The following MBP variants were observed in gnomAD, a reference collection of about 807,000 sequenced individuals.
The protein encoded by MBP is Golli-MBP.
MBP carries 16 observed loss-of-function variants against 35.8 expected under a neutral mutation model. The observed-to-expected ratio is 0.45, with a 90% CI of 0.30 to 0.68. MBP has a LOEUF of 0.68. Among genes scored for constraint, MBP ranks in the 30% least tolerant of loss-of-function variants. The pLI is 0.08. For synonymous variants in MBP, 143 were observed against 159.6 expected (o/e 0.90, Z 0.78); for missense variants, 380 against 404.7 (o/e 0.94, Z 0.52).
chr18:77,093,022 T>G (rs1975601807), intron 2 of MBP: 1 of 152,226 alleles, frequency 6.6e-6, no homozygotes, highest in Admixed American at 6.5e-5. Flanking sequence ...GTTGGCTGCT[T>G]GCAAACTGGG....
chr18:77,087,087 AAAC>A (rs1035391118), intron 2 of MBP, among the ~76,000 whole-genome samples: 21 of 152,294 alleles, frequency 1.4e-4, no homozygotes, highest in Middle Eastern at 3.4e-3. Flanking sequence ...TAGAAAAAAA[AAAC>A]AACAACAACG....
At position 77,102,168 on chromosome 18, in the gene MBP, G is replaced by C. The variant is rs1359047467; in HGVS notation, c.51+3043C>G. Among the ~76,000 whole-genome samples the C allele has an allele frequency of 6.6e-6, 1 of 152,106 alleles. No individual in the cohort carries two copies. Among genetic ancestry groups the C allele is most frequent in the African/African-American group, 2.4e-5 (1 of 41,422 alleles). On this transcript the variant is annotated intron_variant, in intron 2 of 8. Coordinates refer to ENST00000355994, the MANE Select transcript of MBP (RefSeq NM_001025101.2). The surrounding 1 kb of genome is among the most constrained non-coding windows in gnomAD (Gnocchi z 4.4). ...AGGTGGCAGCAGGGTGGGAAGGAGG[G>C]GGCCCTCAGCAGCCTGGGCCGGGCA...
chr18:77,121,493 T>C (rs1332217285), intron 1 of MBP, among the ~76,000 whole-genome samples: 1 of 152,196 alleles, frequency 6.6e-6, no homozygotes, highest in Non-Finnish European at 1.5e-5. Flanking sequence ...GCCTCAGCTC[T>C]TCTGAGTTCT....
chr18:77,037,199 C>T (rs1419255893), intron 3 of MBP, among the ~76,000 whole-genome samples: 1 of 146,854 alleles, frequency 6.8e-6, no homozygotes, highest in African/African-American at 2.6e-5. Flanking sequence ...GTTTTGGAGA[C>T]AGAGCTGAGC....
chr18:77,061,795 G>A (rs941112631), intron 3 of MBP, among the ~76,000 whole-genome samples: 5 of 152,132 alleles, frequency 3.3e-5, no homozygotes, highest in Non-Finnish European at 5.9e-5. Context: ...GTGAAAACAC[G>A]CACACACCAA....
chr18:77,032,532 G>T lies in MBP; in HGVS notation c.140-15264C>A, dbSNP rs575045793. ...CCGTGTGCTAGGGGAGCCTCAGGAG[G>T]GTGGGGACGGGGTCGGCGAGGCGCG... On this transcript the variant is annotated intron_variant, in intron 3 of 8. Transcript: ENST00000355994. 2.2e-4 allele frequency among the ~76,000 whole-genome samples: 34 copies of T among 152,352 alleles called. 1 individual carries two copies. The highest frequency in any genetic ancestry group is 8.2e-4 in the African/African-American group (34 of 41,590).
At chr18:76,987,422 C>G in intron 7 of MBP, 1 of 985,410 alleles carries the variant, frequency 1.0e-6, no homozygotes, top group Non-Finnish European at 1.2e-6. Context: ...CGGTAAATAT[C>G]TTAGTTCATA....
At chr18:77,005,568 C>G (rs1406242499) in intron 4 of MBP, 1 of 152,272 alleles carries the variant, frequency 6.6e-6, no homozygotes, top group Admixed American at 6.5e-5. Context: ...AAGTTCTAGT[C>G]CAGCTGCCCC....
At chr18:77,005,506 G>A (rs3829620) in intron 4 of MBP, 1 of 152,038 alleles carries the variant, frequency 6.6e-6, no homozygotes, top group Non-Finnish European at 1.5e-5. Flanking sequence ...GGGAGGCTCA[G>A]AGACGTCTGT....
intron 3 of MBP, among the ~76,000 whole-genome samples, chr18:77,048,228 C>T (rs962035248): frequency 6.6e-5 from 10 of 152,192 alleles, no homozygotes; most frequent in Non-Finnish European, 8.8e-5. Context: ...CATCTTTACC[C>T]GAAAGAGGAC....
chr18:77,118,670 C>A (rs36171082), intron 1 of MBP, among the ~76,000 whole-genome samples: 2 of 138,946 alleles, frequency 1.4e-5, no homozygotes, highest in African/African-American at 5.4e-5. Context: ...ACACTACATA[C>A]CACACACACA....
Position 76,988,747 on chromosome 18 carries a change from G to T in MBP, c.717+130C>A. Reference sequence around the variant, plus strand: ...ATCTGCCGACCTGTTCTACTTGGGAGCTGCCTGGCAACACGTTTTGGGATG... The same window carrying T: ...ATCTGCCGACCTGTTCTACTTGGGATCTGCCTGGCAACACGTTTTGGGATG... On this transcript the variant is annotated intron_variant, in intron 6 of 8. Coordinates refer to ENST00000355994, the MANE Select transcript of MBP (RefSeq NM_001025101.2). This position sits in a 1 kb window ranked among gnomAD's most constrained non-coding sequence, Gnocchi z 5.2. 1 of 1,332,048 alleles carries T rather than the reference G, an allele frequency of 7.5e-7. No individual in the cohort carries two copies. The highest frequency in any genetic ancestry group is 1.0e-6 in the Non-Finnish European group (1 of 958,230). 82.5% of individuals were successfully genotyped at this position (1,332,048 alleles called of 1,614,324 possible). A position where few individuals can be genotyped will look rare whatever the true frequency, so the allele number is the denominator to read the frequency against.
intron 1 of MBP, among the ~76,000 whole-genome samples, chr18:77,105,568 T>C (rs1054391844): frequency 4.6e-5 from 7 of 152,212 alleles, no homozygotes; most frequent in African/African-American, 1.7e-4. Flanking sequence ...GATCTGTGTA[T>C]ATGTACAGAA....
intron 1 of MBP, among the ~76,000 whole-genome samples, chr18:77,112,169 G>GCGCGCGCGCACACACACACACACACACA (rs370587502): frequency 3.3e-5 from 5 of 150,874 alleles, no homozygotes; most frequent in African/African-American, 9.8e-5. Context: ...CCGTGCACAC[G>GCGCGCGCGCACACACACACACACACACA]CACACACACA....
rs146752009 is a variant in MBP, at chr18:77,102,165, AG to A, written c.51+3045del. On this transcript the variant is annotated intron_variant, in intron 2 of 8. Transcript: ENST00000355994. This position sits in a 1 kb window ranked among gnomAD's most constrained non-coding sequence, Gnocchi z 4.4. ...AGAAGGTGGCAGCAGGGTGGGAAGG[AG>A]GGGGCCCTCAGCAGCCTGGGCCGGG... Among the ~76,000 whole-genome samples the A allele has an allele frequency of 0.017, 2,541 of 152,092 alleles. 80 individuals are homozygous for A. The highest frequency in any genetic ancestry group is 0.056 in the African/African-American group (2,338 of 41,492).
In MBP at chr18:77,080,904, A is replaced by T. The variant is rs368108722; in HGVS notation, c.52-14519T>A. Among the ~76,000 whole-genome samples the T allele has an allele frequency of 1.1e-4, 17 of 152,202 alleles. No homozygotes were observed. In the East Asian group the frequency reaches 1.9e-3, roughly 17 times the overall value. ...CACCATGTTGGCCAGGCTGGTCTCGAACTCCTGACCTCAAGTGATTCACCC... is the reference window on the plus strand; with the variant it reads ...CACCATGTTGGCCAGGCTGGTCTCGTACTCCTGACCTCAAGTGATTCACCC... On this transcript the variant is annotated intron_variant, in intron 2 of 8. Coordinates refer to ENST00000355994, the MANE Select transcript of MBP (RefSeq NM_001025101.2).
chr18:77,016,717 C>T, intron 4 of MBP, 115 bp downstream of exon 4: 8 of 1,489,142 alleles, frequency 5.4e-6, no homozygotes, highest in Non-Finnish European at 7.1e-6. Context: ...CGGAACGAGA[C>T]CTTAGACAGC....
chr18:77,030,258 A>T (rs1972493592), intron 3 of MBP, among the ~76,000 whole-genome samples: 1 of 152,168 alleles, frequency 6.6e-6, no homozygotes, highest in Non-Finnish European at 1.5e-5. Context: ...ATCCAGCTAT[A>T]AGGCCATACA....
chr18:76,998,374 G>C (rs376485304), intron 4 of MBP, among the ~76,000 whole-genome samples: 27 of 152,224 alleles, frequency 1.8e-4, no homozygotes, highest in Admixed American at 1.3e-3. Flanking sequence ...CGACATCCAC[G>C]GCACCGTATG....
Sources: allele counts gnomAD v4.1 joint callset (sites outside exome capture counted in the v4.1 genomes callset), GRCh38; gene constraint gnomAD v4.1.1; non-coding constraint Gnocchi (gnomAD v3.1); transcripts MANE v1.5; gene names NCBI Gene and HGNC (gene_info 2026-07-23, HGNC 2026-07-21).